COL5A2: variants seen among roughly 807,000 people sequenced by gnomAD.
COL5A2 encodes the protein collagen type V alpha 2 chain.
A neutral mutation model predicts 208.2 loss-of-function variants in COL5A2; 23 were observed. The observed-to-expected ratio is 0.11, with a 90% CI of 0.08 to 0.16. The LOEUF is 0.16. COL5A2 is among the 10% of genes least tolerant of loss of function. The probability of loss-of-function intolerance (pLI) is 1.00; values close to 1 mark genes in which losing one functional copy is unlikely to be tolerated. For synonymous variants in COL5A2, 625 were observed against 628.5 expected, an observed-to-expected ratio of 0.99 and a Z score of 0.08; for missense variants, 1,590 against 1,956.4, an observed-to-expected ratio of 0.81 and a Z score of 3.53.
chr2:189,233,628 T>C, the COL5A2 span, among the ~76,000 whole-genome samples: 2 of 151,768 alleles, frequency 1.3e-5, no homozygotes, highest in African/African-American at 4.8e-5. Flanking sequence ...CATTGTTTTA[T>C]TGTTGGAAGA....
chr2:189,287,810 TG>T, the COL5A2 span, among the ~76,000 whole-genome samples: 2 of 152,226 alleles, frequency 1.3e-5, no homozygotes, highest in Non-Finnish European at 2.9e-5. Flanking sequence ...GACTTCTTTT[TG>T]TTACTTTATT....
chr2:189,052,286 T>C (rs1435678441), intron 40 of COL5A2, 61 bp from the exon 41 acceptor site: 32 of 1,518,346 alleles, frequency 2.1e-5, no homozygotes, highest in Non-Finnish European at 7.3e-6. Context: ...ACATGTATTT[T>C]CCTGGGATTT....
chr2:189,401,823 G>A, the COL5A2 span, among the ~76,000 whole-genome samples: 1 of 152,188 alleles, frequency 6.6e-6, no homozygotes, highest in Non-Finnish European at 1.5e-5. Context: ...AATGATCAGT[G>A]ATGTTGAGCT....
chr2:189,433,065 C>G, the COL5A2 span, among the ~76,000 whole-genome samples: 1 of 152,120 alleles, frequency 6.6e-6, no homozygotes, highest in African/African-American at 2.4e-5. Flanking sequence ...ATTGAACAAC[C>G]TGATCCTGAA....
the COL5A2 span, among the ~76,000 whole-genome samples, chr2:189,432,351 T>C: frequency 6.6e-6 from 1 of 152,146 alleles, no homozygotes; most frequent in Non-Finnish European, 1.5e-5. Flanking sequence ...TAAATGTAAA[T>C]GGGCTAAATG....
chr2:189,267,429 T>A, the COL5A2 span, among the ~76,000 whole-genome samples: 3 of 152,068 alleles, frequency 2.0e-5, no homozygotes, highest in Non-Finnish European at 4.4e-5. Flanking sequence ...TCACAAAACA[T>A]TCATCTTGCA....
chr2:189,284,882 T>C, the COL5A2 span, among the ~76,000 whole-genome samples: 3,910 of 152,172 alleles, frequency 0.026, 178 homozygotes, highest in African/African-American at 0.09. Flanking sequence ...CTACTGTTCA[T>C]GCCTTGTTAT....
the COL5A2 span, among the ~76,000 whole-genome samples, chr2:189,303,139 T>A: frequency 2.6e-5 from 4 of 152,178 alleles, no homozygotes; most frequent in Non-Finnish European, 5.9e-5. Flanking sequence ...TGATAAGTGC[T>A]TAGTTGAGAT....
the COL5A2 span, among the ~76,000 whole-genome samples, chr2:189,421,989 T>C: frequency 6.6e-6 from 1 of 152,104 alleles, no homozygotes; most frequent in Non-Finnish European, 1.5e-5. Context: ...ATAGCAGCCA[T>C]ACCAGATGAT....
At chr2:189,085,135 T>C (rs950459818) in intron 11 of COL5A2, 25 bp downstream of exon 11, 26 of 1,605,624 alleles carry the variant, frequency 1.6e-5, no homozygotes, top group East Asian at 4.5e-5. Flanking sequence ...AAAACCTGAA[T>C]GGAAAATGAG....
chr2:189,258,049 G>C, the COL5A2 span, among the ~76,000 whole-genome samples: 2 of 152,150 alleles, frequency 1.3e-5, no homozygotes, highest in African/African-American at 4.8e-5. Context: ...GGGAGGCAGA[G>C]CTTGCAGTGA....
At chr2:189,365,547 C>T in the COL5A2 span, among the ~76,000 whole-genome samples, 11 of 152,144 alleles carry the variant, frequency 7.2e-5, no homozygotes, top group African/African-American at 2.2e-4. Context: ...CACATTAGTG[C>T]CTTAATTTGC....
At chr2:189,093,513 T>C (rs903725501) in intron 6 of COL5A2, among the ~76,000 whole-genome samples, 1 of 152,142 alleles carries the variant, frequency 6.6e-6, no homozygotes, top group Non-Finnish European at 1.5e-5. Context: ...TTGTATATGA[T>C]GGTTTTGGGG....
At chr2:189,147,342 A>G (rs1688059134) in intron 1 of COL5A2, among the ~76,000 whole-genome samples, 1 of 152,204 alleles carries the variant, frequency 6.6e-6, no homozygotes, top group African/African-American at 2.4e-5. Context: ...TAAGCAAACC[A>G]GAAAAGACAA....
chr2:189,037,173 A>G (rs1033041981), intron 51 of COL5A2, among the ~76,000 whole-genome samples: 8 of 152,228 alleles, frequency 5.3e-5, no homozygotes, highest in African/African-American at 1.9e-4. Flanking sequence ...TAACAAAATA[A>G]TGTAAATAAT....
chr2:189,199,267 G>A (rs768688790), intron 1 of COL5A2, among the ~76,000 whole-genome samples: 4 of 152,070 alleles, frequency 2.6e-5, no homozygotes, highest in Non-Finnish European at 5.9e-5. Flanking sequence ...CTTTATCTAA[G>A]TAATAACTAA....
intron 7 of COL5A2, among the ~76,000 whole-genome samples, chr2:189,091,061 G>A (rs1408050936): frequency 1.3e-5 from 2 of 152,260 alleles, no homozygotes; most frequent in East Asian, 3.9e-4. Flanking sequence ...CATTCTAGGT[G>A]CCATTAAGAA....
chr2:189,164,664 T>G (rs1451468076), intron 1 of COL5A2, among the ~76,000 whole-genome samples: 4 of 152,170 alleles, frequency 2.6e-5, no homozygotes, highest in African/African-American at 9.7e-5. Context: ...AACACCTTTA[T>G]GTAATATAAT....
chr2:189,427,721 G>A, the COL5A2 span, among the ~76,000 whole-genome samples: 15 of 152,300 alleles, frequency 9.8e-5, no homozygotes, highest in South Asian at 8.3e-4. Flanking sequence ...ACAAGGAGTC[G>A]AAATACATTA....
Sources: gnomAD v4.1 joint callset for allele counts (sites outside exome capture counted in the v4.1 genomes callset) on GRCh38, gnomAD v4.1.1 for gene constraint, MANE v1.5 for transcripts, NCBI Gene and HGNC (gene_info 2026-07-23, HGNC 2026-07-21) for gene names.